RNLS: variants seen among roughly 807,000 people sequenced by gnomAD.
The protein encoded by RNLS is renalase, FAD dependent amine oxidase.
Under a neutral mutation model 39.8 loss-of-function variants are expected in RNLS, and 39 were observed. The observed-to-expected ratio is 0.98, with a 90% confidence interval of 0.76 to 1.28. The LOEUF (loss-of-function observed/expected upper bound fraction) is 1.28, where lower values mean the gene tolerates loss of function less well. Among genes scored for constraint, RNLS ranks in the 50% most tolerant of loss-of-function variants. RNLS has a pLI of 0.00. For missense variants in RNLS, 410 were observed against 413.3 expected (o/e 0.99, Z 0.07); for synonymous variants, 147 against 150.7 (o/e 0.98, Z 0.18).
intron 4 of RNLS, among the ~76,000 whole-genome samples, chr10:88,365,919 A>T: frequency 6.6e-6 from 1 of 152,130 alleles, no homozygotes; most frequent in East Asian, 1.9e-4. Flanking sequence ...CTATAAAAGA[A>T]GGCTAATAAT....
the RNLS span, among the ~76,000 whole-genome samples, chr10:88,245,502 T>G: frequency 6.6e-6 from 1 of 152,158 alleles, no homozygotes; most frequent in African/African-American, 2.4e-5. Context: ...TCATGCTGCA[T>G]GTGTGCAGGA....
At chr10:88,237,918 G>T in the RNLS span, among the ~76,000 whole-genome samples, 1 of 152,186 alleles carries the variant, frequency 6.6e-6, no homozygotes, top group African/African-American at 2.4e-5. Flanking sequence ...AGTGACAGTT[G>T]TTCCCCCCAA....
intron 4 of RNLS, among the ~76,000 whole-genome samples, chr10:88,398,353 G>T (rs1852696710): frequency 6.6e-6 from 1 of 152,006 alleles, no homozygotes; most frequent in Non-Finnish European, 1.5e-5. Context: ...GTCCCTAGTT[G>T]TATGGTACCT....
chr10:88,564,758 A>G (rs1849400634), intron 4 of RNLS, among the ~76,000 whole-genome samples: 1 of 152,210 alleles, frequency 6.6e-6, no homozygotes, highest in Non-Finnish European at 1.5e-5. Flanking sequence ...AGTAAATCAT[A>G]AGAGGGTCAC....
At chr10:88,269,880 C>T (rs1842603707), downstream of RNLS, among the ~76,000 whole-genome samples, 1 of 152,292 alleles carries the variant, frequency 6.6e-6, no homozygotes, top group East Asian at 1.9e-4. Flanking sequence ...CAGAGTCTCG[C>T]TCTGTTGCCC....
At chr10:88,274,505 T>C (rs1475046378) in exon 7 of RNLS, 1 of 157,488 alleles carries the variant, frequency 6.3e-6, no homozygotes, top group Non-Finnish European at 1.4e-5. Context: ...TTCATCCATA[T>C]TGCAGCATGT....
At chr10:88,319,164 A>G (rs1845988655) in intron 5 of RNLS, among the ~76,000 whole-genome samples, 1 of 152,228 alleles carries the variant, frequency 6.6e-6, no homozygotes, top group East Asian at 1.9e-4. Context: ...GCTACCCACA[A>G]TGAAGGACCC....
chr10:88,288,827 G>A (rs1250720892), intron 6 of RNLS, among the ~76,000 whole-genome samples: 2 of 152,144 alleles, frequency 1.3e-5, no homozygotes, highest in Non-Finnish European at 2.9e-5. Context: ...TACCCAATGA[G>A]GAAAATATGA....
chr10:88,235,071 C>A, the RNLS span, among the ~76,000 whole-genome samples: 1 of 151,868 alleles, frequency 6.6e-6, no homozygotes, highest in Admixed American at 6.6e-5. Flanking sequence ...ACCATCCTGG[C>A]TAACACGGTG....
At position 88,572,945 on chromosome 10, in the gene RNLS, G is replaced by A. The variant is rs1371330687; in HGVS notation, c.484C>T (p.Pro162Ser). The A allele has an allele frequency of 6.2e-7, 1 of 1,613,860 alleles. No homozygotes were observed. Among genetic ancestry groups the A allele is most frequent in the Non-Finnish European group, 8.5e-7 (1 of 1,179,934 alleles). The change falls in exon 4 of 7, where the codon CCA becomes TCA. Residue 162 changes from proline (P) to serine (S), a missense_variant. By Grantham distance (74) the Pro-to-Ser change is moderately conservative. Coordinates refer to ENST00000331772, the MANE Select transcript of RNLS (RefSeq NM_001031709.3). ...EQFDLIVLTM[P>S]VPEILQLQGD... ...TGAAGCTGCAGAATCTCAGGAACTG[G>A]CATTGTGAGAACAATAAGATCAAAC...
the RNLS span, among the ~76,000 whole-genome samples, chr10:88,232,939 G>A: frequency 6.6e-6 from 1 of 152,244 alleles, no homozygotes; most frequent in Non-Finnish European, 1.5e-5. Flanking sequence ...ACTGTGACAA[G>A]TATGTACATG....
At chr10:88,171,559 T>C in the RNLS span, among the ~76,000 whole-genome samples, 1 of 152,238 alleles carries the variant, frequency 6.6e-6, no homozygotes, top group Non-Finnish European at 1.5e-5. Context: ...ATTTTATTAT[T>C]GTTAAATTTT....
chr10:88,414,230 C>T lies in RNLS; in HGVS notation c.527-51505G>A, dbSNP rs145702033. Among the ~76,000 whole-genome samples, 1,256 of 133,834 alleles carry T rather than the reference C, an allele frequency of 9.4e-3. 18 individuals carry two copies. The highest frequency in any genetic ancestry group is 0.032 in the East Asian group (144 of 4,518). 87.8% of individuals were successfully genotyped at this position (133,834 alleles called of 152,430 possible). ...TAAAAACAGGCTTTCTGTGAGCATA[C>T]GAAAAAAAGTGGTAAAAAAAAAAAG... On this transcript the variant is annotated intron_variant, in intron 4 of 6. Coordinates refer to ENST00000331772, the MANE Select transcript of RNLS (RefSeq NM_001031709.3).
intron 6 of RNLS, among the ~76,000 whole-genome samples, chr10:88,287,134 T>C (rs1038117046): frequency 3.9e-5 from 6 of 152,144 alleles, no homozygotes; most frequent in East Asian, 1.9e-4. Context: ...TTGCCATAGA[T>C]ATTTTTTATT....
intron 6 of RNLS, among the ~76,000 whole-genome samples, chr10:88,292,941 C>T (rs1313990348): frequency 6.6e-6 from 1 of 151,866 alleles, no homozygotes; most frequent in Non-Finnish European, 1.5e-5. Flanking sequence ...ATCCCAGCTA[C>T]TTGGGAGGCT....
the RNLS span, among the ~76,000 whole-genome samples, chr10:88,198,709 G>A: frequency 6.6e-6 from 1 of 152,038 alleles, no homozygotes; most frequent in African/African-American, 2.4e-5. Flanking sequence ...CTCCAGCCAT[G>A]TAGCATGCCT....
chr10:88,573,154 A>G (rs1333389894), intron 3 of RNLS, 93 bp from the exon 4 acceptor site: 4 of 1,235,482 alleles, frequency 3.2e-6, no homozygotes, highest in Admixed American at 4.0e-5. Flanking sequence ...CATTCAAGTG[A>G]ACAAAATGGC....
intron 6 of RNLS, among the ~76,000 whole-genome samples, chr10:88,309,988 A>G (rs1339086217): frequency 6.6e-6 from 1 of 151,964 alleles, no homozygotes; most frequent in Non-Finnish European, 1.5e-5. Flanking sequence ...CAAGGCAGGC[A>G]GATCGCTTGA....
In RNLS at chr10:88,545,088, C is replaced by A. The variant is rs563040181; in HGVS notation, c.526+27815G>T. 8.9e-4 allele frequency among the ~76,000 whole-genome samples: 136 copies of A among 152,152 alleles called. 1 individual carries two copies. Among genetic ancestry groups the A allele is most frequent in the Middle Eastern group, 3.4e-3 (1 of 294 alleles). ...ACATTAGCAGCTTGTCTCATAATGT[C>A]CCTTTGCTTTTCTTACTCTAGAAGC... On this transcript the variant is annotated intron_variant, in intron 4 of 6. Transcript: ENST00000331772.
Sources: gnomAD v4.1 joint callset for allele counts (sites outside exome capture counted in the v4.1 genomes callset) on GRCh38, gnomAD v4.1.1 for gene constraint, MANE v1.5 for transcripts, NCBI Gene and HGNC (gene_info 2026-07-23, HGNC 2026-07-21) for gene names.